The following FBXO24 variants were observed in gnomAD, a reference collection of about 807,000 sequenced individuals.
The protein encoded by FBXO24 is F-box protein 24.
Under a neutral mutation model 63.5 loss-of-function variants are expected in FBXO24, and 30 were observed. That is an observed-to-expected ratio of 0.47 (90% CI 0.35 to 0.64). FBXO24 has a LOEUF of 0.64. Ranked by LOEUF, FBXO24 falls within the 30% of genes least tolerant of loss-of-function variation. FBXO24 has a pLI of 0.00. For missense variants in FBXO24, 624 were observed against 763.4 expected (o/e 0.82, Z 2.15); for synonymous variants, 300 against 305.0 (o/e 0.98, Z 0.17).
rs377290891 is a variant in FBXO24 at position 100,589,421 on chromosome 7, T to C, written c.40-556T>C. 4.4e-5 allele frequency: 54 copies of C among 1,220,172 alleles called. No individual in the cohort carries two copies. The East Asian group carries it at 7.0e-4, about 16-fold the overall frequency. The allele number at this position is 1,220,172 out of a possible 1,614,324, so 75.6% of individuals were successfully genotyped here. On this transcript the variant is annotated intron_variant, in intron 1 of 9. Transcript: ENST00000241071. ...TCACCTACCAGTAATTCACACTTTA[T>C]TTCTCCAGTAAAATGCATATCCCTT... is the stretch of plus-strand genomic sequence containing the variant.
chr7:100,590,110 G>A, intron 2 of FBXO24, 35 bp downstream of exon 2: 1 of 1,608,268 alleles, frequency 6.2e-7, no homozygotes, highest in Middle Eastern at 1.7e-4. Flanking sequence ...AGAATAATAG[G>A]ATTGGGGGCC....
Position 100,586,586 on chromosome 7 carries a change from C to A in FBXO24, c.-40C>A. On this transcript the variant is annotated 5_prime_UTR_variant, in exon 1 of 10. Coordinates refer to ENST00000241071, the MANE Select transcript of FBXO24 (RefSeq NM_033506.3). Reference sequence around the variant, plus strand: ...TTAGAGCCTCCGAAGGGAATCTGGACCTGCCTCTTCTCTGAGGGACGGCTC... The same window carrying A: ...TTAGAGCCTCCGAAGGGAATCTGGAACTGCCTCTTCTCTGAGGGACGGCTC... 6.2e-7 allele frequency: 1 copy of A among 1,611,958 alleles called. No individual in the cohort carries two copies. Among genetic ancestry groups the A allele is most frequent in the Non-Finnish European group, 8.5e-7 (1 of 1,178,110 alleles).
intron 1 of FBXO24, among the ~76,000 whole-genome samples, chr7:100,588,997 G>GTT (rs543109579): frequency 9.1e-5 from 13 of 143,184 alleles, no homozygotes; most frequent in Non-Finnish European, 1.1e-4. Context: ...TAATTTTTAA[G>GTT]TTTTTTTTTT....
intron 1 of FBXO24, among the ~76,000 whole-genome samples, chr7:100,587,461 C>T (rs1801812297): frequency 6.6e-6 from 1 of 151,954 alleles, no homozygotes; most frequent in Non-Finnish European, 1.5e-5. Context: ...CGCCACCACA[C>T]CCGGCTAATT....
At chr7:100,592,575 C>T (rs942755187) in intron 4 of FBXO24, among the ~76,000 whole-genome samples, 2 of 152,180 alleles carry the variant, frequency 1.3e-5, no homozygotes, top group African/African-American at 4.8e-5. Context: ...CTAACCATAT[C>T]ACCACCTCTC....
chr7:100,594,413 A>G lies in FBXO24; in HGVS notation c.824A>G (p.Asn275Ser). ...GGAAAGATCTACTCTTTGGTAGTGA[A>G]TGAGACCCAGCTTGACCAGCCACGC... ...EEGKIYSLVV[N>S]ETQLDQPRSY... The change falls in exon 6 of 10, where the codon AAT (asparagine) becomes AGT (serine). Residue 275 changes from asparagine to serine, a missense_variant. Asn to Ser is a conservative substitution (Grantham distance 46). Coordinates refer to ENST00000241071, the MANE Select transcript of FBXO24 (RefSeq NM_033506.3). The surrounding 1 kb of genome is among the most constrained non-coding windows in gnomAD (Gnocchi z 4.2). 1 of 1,613,064 alleles carries G rather than the reference A, an allele frequency of 6.2e-7. No individual in the cohort carries two copies. The highest frequency in any genetic ancestry group is 1.1e-5 in the South Asian group (1 of 90,920).
chr7:100,588,628 C>T (rs1003441368), intron 1 of FBXO24, among the ~76,000 whole-genome samples: 1 of 112,338 alleles, frequency 8.9e-6, no homozygotes, highest in African/African-American at 3.4e-5. Context: ...TAGATCTGGC[C>T]TGAGTGGGAC....
At position 100,590,167 on chromosome 7, in the gene FBXO24, C is replaced by G. The variant is rs1801940299; in HGVS notation, c.139-7C>G. 6.2e-7 allele frequency: 1 copy of G among 1,612,802 alleles called. No homozygotes were observed. The highest frequency in any genetic ancestry group is 2.2e-5 in the East Asian group (1 of 44,826). ...AGACTCCCCGCTTCTTCCCTCCTCCCTCCCAGGTGGAGCATATCATCTCAT... is the reference window on the plus strand; with the variant it reads ...AGACTCCCCGCTTCTTCCCTCCTCCGTCCCAGGTGGAGCATATCATCTCAT... On this transcript the variant is annotated splice_region_variant and splice_polypyrimidine_tract_variant and intron_variant, in intron 2 of 9. Transcript: ENST00000241071.
intron 1 of FBXO24, 80 bp downstream of exon 1, chr7:100,586,744 T>A: frequency 6.7e-7 from 1 of 1,491,720 alleles, no homozygotes; most frequent in Non-Finnish European, 9.3e-7. Flanking sequence ...GCCGCTGCAG[T>A]GGCGAGTGCG....
intron 8 of FBXO24, among the ~76,000 whole-genome samples, chr7:100,596,644 G>A (rs1802321459): frequency 6.6e-6 from 1 of 152,148 alleles, no homozygotes; most frequent in Admixed American, 6.6e-5. Flanking sequence ...TGAGACAAGC[G>A]CCTGGTGCTG....
At chr7:100,589,864 G>C in intron 1 of FBXO24, 113 bp from the exon 2 acceptor site, 2 of 1,547,414 alleles carry the variant, frequency 1.3e-6, no homozygotes, top group Non-Finnish European at 1.7e-6. Context: ...TGGAGAGAGA[G>C]GGGAGGAAAT....
Position 100,600,150 on chromosome 7 carries a change from C to T in FBXO24, c.1326C>T (p.Arg442=), listed in dbSNP as rs776103710. 1 of 1,591,956 alleles carries T rather than the reference C, an allele frequency of 6.3e-7. No individual in the cohort carries two copies. The highest frequency in any genetic ancestry group is 8.5e-7 in the Non-Finnish European group (1 of 1,169,826). Residue 442 remains arginine (R), a synonymous_variant, in exon 9 of 10, where the codon CGC becomes CGT. Transcript: ENST00000241071. The surrounding 1 kb of genome is among the most constrained non-coding windows in gnomAD (Gnocchi z 6.3). The stretch of plus-strand genomic sequence containing the variant: ...GCTGCGGCTGTGGGGCTGGGGGCCG[C>T]CTCCCAGGCTGGCCCAAGGGGAGTG... ...LLGCGCGAGG[R]LPGWPKGSAS...
rs773053219 is a variant in FBXO24, at chr7:100,589,722, A to C, written c.40-255A>C. On this transcript the variant is annotated intron_variant, in intron 1 of 9. Transcript: ENST00000241071. ...CAGGAGCAGGGAGGGGGCAATCAGG[A>C]TGGTCAGGGGAAGCCAGAGACGGAA... 145 of 1,547,474 alleles carry C rather than the reference A, an allele frequency of 9.4e-5. No individual in the cohort carries two copies. The highest frequency in any genetic ancestry group is 1.2e-4 in the Non-Finnish European group (138 of 1,144,368).
chr7:100,589,852 T>C, intron 1 of FBXO24, 125 bp from the exon 2 acceptor site: 1 of 1,542,796 alleles, frequency 6.5e-7, no homozygotes, highest in Non-Finnish European at 8.8e-7. Context: ...TAGGGATGGG[T>C]CTGGAGAGAG....
chr7:100,596,218 G>T (rs767946119), intron 8 of FBXO24, among the ~76,000 whole-genome samples: 4 of 152,166 alleles, frequency 2.6e-5, no homozygotes, highest in Non-Finnish European at 2.9e-5. Context: ...GGCTGAGGTT[G>T]CAGTGAGCTG....
In FBXO24 at chr7:100,590,093, G is replaced by A. The variant is rs769714115; in HGVS notation, c.138+18G>A. The stretch of plus-strand genomic sequence containing the variant: ...CAGAGCTGGTGAGTCCTTGGGGAGG[G>A]GGATTGAGAATAATAGGATTGGGGG... On this transcript the variant is annotated intron_variant, in intron 2 of 9. Transcript: ENST00000241071. The A allele has an allele frequency of 1.2e-6, 2 of 1,610,692 alleles. No homozygotes were observed. The highest frequency in any genetic ancestry group is 1.7e-6 in the Non-Finnish European group (2 of 1,177,878).
rs746919360 is a variant in FBXO24, at chr7:100,591,870, C to T, written c.526C>T (p.Arg176Cys). 7 of 1,614,060 alleles carry T rather than the reference C, an allele frequency of 4.3e-6. No individual in the cohort carries two copies. The highest frequency in any genetic ancestry group is 2.7e-5 in the African/African-American group (2 of 74,906). ...CCAGATGCAGTGGAAGCGGGCCTGT[C>T]GCTATGTTGTGTTGTGTCGTGGAGC... ...LGQMQWKRAC[R>C]YVVLCRGAKD... The change falls in exon 4 of 10, where the codon CGC (arginine) becomes TGC (cysteine). Residue 176 changes from arginine (R) to cysteine (C), a missense_variant. Around this residue, in one of 3 missense-constraint regions of FBXO24, gnomAD observed 391 missense variants for 469.1 expected, o/e 0.83. Transcript: ENST00000241071.
intron 8 of FBXO24, among the ~76,000 whole-genome samples, chr7:100,597,869 G>GTTTTTGTTT (rs1442023307): frequency 1.3e-5 from 2 of 148,504 alleles, no homozygotes; most frequent in East Asian, 2.0e-4. Context: ...GCCCAGATAA[G>GTTTTTGTTT]TTTTTGTTTT....
chr7:100,598,999 T>A (rs1330430589), intron 8 of FBXO24, among the ~76,000 whole-genome samples: 1 of 150,704 alleles, frequency 6.6e-6, no homozygotes, highest in East Asian at 1.9e-4. Context: ...AAAAAAATGC[T>A]AGAGGCTGAG....
Sources: allele counts gnomAD v4.1 joint callset (sites outside exome capture counted in the v4.1 genomes callset), GRCh38; gene constraint gnomAD v4.1.1; regional missense constraint gnomAD v4.1.1; non-coding constraint Gnocchi (gnomAD v3.1); transcripts MANE v1.5; gene names NCBI Gene and HGNC (gene_info 2026-07-23, HGNC 2026-07-21).